Variants in ACP6 observed in about 807,000 individuals in gnomAD.
ACP6 encodes the protein lysophosphatidic acid phosphatase type 6.
ACP6 carries 48 observed loss-of-function variants against 48.1 expected under a neutral mutation model. That is an observed-to-expected ratio of 1.00 (90% CI 0.79 to 1.27). ACP6 has a LOEUF of 1.27. ACP6 is among the 50% of genes most tolerant of loss of function. The pLI is 0.00. For missense variants in ACP6, 485 were observed against 529.1 expected, an observed-to-expected ratio of 0.92 and a Z score of 0.82; for synonymous variants, 172 against 204.2, an observed-to-expected ratio of 0.84 and a Z score of 1.34.
chr1:147,650,951 G>A (rs1553210422), intron 7 of ACP6: 1 of 152,106 alleles, frequency 6.6e-6, no homozygotes, highest in African/African-American at 2.4e-5. Context: ...TCAGAGACTG[G>A]TCTTCTCCTT....
chr1:147,658,650 G>A (rs183939025), intron 4 of ACP6, among the ~76,000 whole-genome samples: 2 of 152,260 alleles, frequency 1.3e-5, no homozygotes, highest in East Asian at 3.9e-4. Context: ...TAAATAAAAA[G>A]CCCCCTCGAT....
intron 1 of ACP6, among the ~76,000 whole-genome samples, chr1:147,660,471 C>T (rs1660492114): frequency 6.6e-6 from 1 of 152,190 alleles, no homozygotes; most frequent in Admixed American, 6.5e-5. Flanking sequence ...GACCAGTTCC[C>T]CTTCCCAATC....
intron 4 of ACP6, among the ~76,000 whole-genome samples, chr1:147,657,886 A>G (rs587655197): frequency 9.2e-5 from 14 of 152,366 alleles, no homozygotes; most frequent in African/African-American, 3.4e-4. Context: ...AACCTGGGAT[A>G]TTCCCAGTCT....
chr1:147,634,986 T>C (rs587637771), intron 5 of ACP6, among the ~76,000 whole-genome samples: 4 of 152,354 alleles, frequency 2.6e-5, no homozygotes, highest in African/African-American at 9.6e-5. Flanking sequence ...TTCAGCCAAG[T>C]ACTAATAATG....
intron 5 of ACP6, 69 bp downstream of exon 5, chr1:147,655,092 C>G: frequency 7.5e-7 from 1 of 1,328,706 alleles, no homozygotes; most frequent in South Asian, 1.3e-5. Context: ...TCAGTATAGA[C>G]AGAGTTCTGC....
intron 1 of ACP6, 51 bp from the exon 2 acceptor site, chr1:147,659,826 T>C (rs189417206): frequency 6.3e-7 from 1 of 1,596,230 alleles, no homozygotes; most frequent in East Asian, 2.2e-5. Context: ...GTTCTTGAAA[T>C]GTATAGCATT....
chr1:147,659,019 A>G lies in ACP6; in HGVS notation c.500T>C (p.Phe167Ser). The change falls in exon 4 of 10, where the codon TTT becomes TCT. Residue 167 changes from phenylalanine (F) to serine (S), a missense_variant. Phe to Ser is a radical substitution (Grantham distance 155, BLOSUM62 -2). Coordinates refer to ENST00000583509, the MANE Select transcript of ACP6 (RefSeq NM_016361.5). The stretch of plus-strand genomic sequence containing the variant: ...ACAACGGGTGGACTCCAGATTCCGA[A>G]AAATGTTAGTGGAACGAATACTGAA... ...QEVFIRSTNI[F>S]RNLESTRCLL... 1 of 1,612,018 alleles carries G rather than the reference A, an allele frequency of 6.2e-7. No individual in the cohort carries two copies. Among genetic ancestry groups the G allele is most frequent in the Non-Finnish European group, 8.5e-7 (1 of 1,179,174 alleles).
downstream of ACP6, among the ~76,000 whole-genome samples, chr1:147,639,006 G>T (rs1659373761): frequency 6.6e-6 from 1 of 152,144 alleles, no homozygotes. Context: ...ACAGGCACTT[G>T]CCACCACGTA....
In ACP6 at chr1:147,654,273, T is replaced by A; in HGVS notation, c.701A>T (p.Lys234Met). ...LQPGISEDLK[K>M]VKDRMGIDSS... The stretch of plus-strand genomic sequence containing the variant: ...GTCAATGCCCATCCTGTCCTTCACC[T>A]TTTTCAAATCCTCTGAGATTCCTGG... Residue 234 changes from lysine (K) to methionine (M), a missense_variant, in exon 6 of 10, where the codon AAG becomes ATG. By Grantham distance (95) the Lys-to-Met change is moderately conservative. Coordinates refer to ENST00000583509, the MANE Select transcript of ACP6 (RefSeq NM_016361.5). The A allele has an allele frequency of 6.2e-7, 1 of 1,613,944 alleles. No homozygotes were observed. Among genetic ancestry groups the A allele is most frequent in the Non-Finnish European group, 8.5e-7 (1 of 1,179,914 alleles).
chr1:147,655,603 G>T (rs1553211482), intron 4 of ACP6, among the ~76,000 whole-genome samples: 4 of 152,128 alleles, frequency 2.6e-5, no homozygotes, highest in African/African-American at 9.7e-5. Flanking sequence ...CAGCATTTGG[G>T]CATTCTAATA....
chr1:147,644,496 G>A lies in ACP6; in HGVS notation c.*2927C>T, dbSNP rs1659552225. The A allele has an allele frequency of 6.6e-6, 1 of 152,176 alleles. No homozygotes were observed. The highest frequency in any genetic ancestry group is 1.5e-5 in the Non-Finnish European group (1 of 68,036). 9.4% of individuals were successfully genotyped at this position (152,176 alleles called of 1,614,324 possible). A position where few individuals can be genotyped will look rare whatever the true frequency, so the allele number is the denominator to read the frequency against. On this transcript the variant is annotated 3_prime_UTR_variant, in exon 10 of 10. Coordinates refer to ENST00000583509, the MANE Select transcript of ACP6 (RefSeq NM_016361.5). ...TACTTTGTTTTAAAAGCAACACTGT[G>A]TTGAGAATAGATGGGCAGAGAAGGG...
At chr1:147,652,324 G>A in intron 7 of ACP6, 125 bp downstream of exon 7, 1 of 973,212 alleles carries the variant, frequency 1.0e-6, no homozygotes, top group South Asian at 1.7e-5. Flanking sequence ...GCAGAATGGG[G>A]TTCAGCCTCC....
chr1:147,656,798 C>T (rs1660281314), intron 4 of ACP6, among the ~76,000 whole-genome samples: 1 of 152,166 alleles, frequency 6.6e-6, no homozygotes, highest in Admixed American at 6.5e-5. Context: ...TTGGATTCTA[C>T]ATCTATGGAT....
At chr1:147,639,031 A>T (rs587636793), downstream of ACP6, among the ~76,000 whole-genome samples, 22 of 152,140 alleles carry the variant, frequency 1.4e-4, no homozygotes, top group Admixed American at 3.9e-4. Flanking sequence ...TGAATTTTAA[A>T]TTTTTTGTAG....
At chr1:147,653,412 A>G (rs1447699830) in intron 6 of ACP6, among the ~76,000 whole-genome samples, 1 of 150,714 alleles carries the variant, frequency 6.6e-6, no homozygotes, top group Non-Finnish European at 1.5e-5. Flanking sequence ...TATAGGCATG[A>G]GCCGCCATGC....
Position 147,654,210 on chromosome 1 carries a change from T to C in ACP6, c.764A>G (p.Asn255Ser). The C allele has an allele frequency of 6.2e-7, 1 of 1,614,150 alleles. No homozygotes were observed. The highest frequency in any genetic ancestry group is 8.5e-7 in the Non-Finnish European group (1 of 1,180,012). Residue 255 changes from asparagine (N) to serine (S), a missense_variant, in exon 6 of 10, where the codon AAC (asparagine) becomes AGC (serine). Transcript: ENST00000583509. ...DKVDFFILLD[N>S]VAAEQAHNLP... ...AGGACTCACCTGCTCGGCAGCCACG[T>C]TGTCCAGGAGGATGAAGAAGTCCAC...
At chr1:147,641,695 CA>C (rs1438661204), downstream of ACP6, among the ~76,000 whole-genome samples, 1 of 152,170 alleles carries the variant, frequency 6.6e-6, no homozygotes, top group Non-Finnish European at 1.5e-5. Context: ...ATCCTCAGGA[CA>C]AATCATCAGG....
rs587763274 is a variant in ACP6, at chr1:147,631,315, T to C, written c.461-250A>G. Among the ~76,000 whole-genome samples, 72 of 152,366 alleles carry C rather than the reference T, an allele frequency of 4.7e-4. No homozygotes were observed. In the South Asian group the frequency reaches 0.014, roughly 29 times the overall value. On this transcript the variant is annotated intron_variant, in intron 5 of 5. Coordinates refer to the ACP6 transcript ENST00000609196. ...ATATCAGACACCTGGGACTCATTCC[T>C]AATTCTTTACTCCTCATGTAAAACC...
At chr1:147,658,463 G>T (rs1660365832) in intron 4 of ACP6, among the ~76,000 whole-genome samples, 2 of 152,154 alleles carry the variant, frequency 1.3e-5, no homozygotes, top group Non-Finnish European at 2.9e-5. Context: ...TGAAAAGGTT[G>T]GGAACCACTG....
Sources: allele counts gnomAD v4.1 joint callset (sites outside exome capture counted in the v4.1 genomes callset), GRCh38; gene constraint gnomAD v4.1.1; transcripts MANE v1.5; gene names NCBI Gene and HGNC (gene_info 2026-07-23, HGNC 2026-07-21).